The following GPR158 variants were observed in gnomAD, a reference collection of about 807,000 sequenced individuals.
The protein encoded by GPR158 is metabotropic glycine receptor.
GPR158 carries 30 observed loss-of-function variants against 78.2 expected under a neutral mutation model. That is an observed-to-expected ratio of 0.38 (90% CI 0.29 to 0.52). GPR158 has a LOEUF of 0.52. GPR158 is among the 20% of genes least tolerant of loss of function. GPR158 has a pLI of 0.83. For synonymous variants in GPR158, 581 were observed against 591.1 expected, an observed-to-expected ratio of 0.98 and a Z score of 0.25; for missense variants, 1,463 against 1,523.5, an observed-to-expected ratio of 0.96 and a Z score of 0.66.
intron 5 of GPR158, among the ~76,000 whole-genome samples, chr10:25,525,242 G>A (rs1169744952): frequency 6.6e-6 from 1 of 152,166 alleles, no homozygotes; most frequent in East Asian, 1.9e-4. Flanking sequence ...ATGTTAAGCA[G>A]AGTTACCATA....
intron 1 of GPR158, among the ~76,000 whole-genome samples, chr10:25,189,833 C>CCTGT (rs1564386832): frequency 9.5e-6 from 1 of 105,720 alleles, no homozygotes; most frequent in African/African-American, 4.7e-5. Flanking sequence ...GAAAGGAAAG[C>CCTGT]ATGTGTGTGT....
At chr10:25,353,918 T>C (rs995272187) in intron 2 of GPR158, among the ~76,000 whole-genome samples, 2 of 152,136 alleles carry the variant, frequency 1.3e-5, no homozygotes, top group African/African-American at 2.4e-5. Context: ...CTCTTCCTTT[T>C]TATTGTCTTC....
intron 2 of GPR158, among the ~76,000 whole-genome samples, chr10:25,290,279 A>G (rs1201266744): frequency 6.6e-6 from 1 of 152,230 alleles, no homozygotes; most frequent in Admixed American, 6.5e-5. Context: ...TTCACATGAT[A>G]TAAATTCCTG....
At chr10:25,460,970 G>C (rs2130611883) in intron 4 of GPR158, among the ~76,000 whole-genome samples, 1 of 152,184 alleles carries the variant, frequency 6.6e-6, no homozygotes. Context: ...AATTGTTTTG[G>C]AATGCCATGA....
At chr10:25,403,862 TGA>T (rs955340801) in intron 3 of GPR158, among the ~76,000 whole-genome samples, 15 of 152,158 alleles carry the variant, frequency 9.9e-5, no homozygotes, top group African/African-American at 3.4e-4. Context: ...TTTATTCTTT[TGA>T]GAGAGCACTT....
chr10:25,471,756 T>C (rs952973497), intron 5 of GPR158, among the ~76,000 whole-genome samples: 1 of 152,226 alleles, frequency 6.6e-6, no homozygotes, highest in Admixed American at 6.5e-5. Flanking sequence ...TGCATAAATA[T>C]CTTCTTTTGA....
chr10:25,526,757 C>T (rs747159259), intron 5 of GPR158, among the ~76,000 whole-genome samples: 1 of 152,174 alleles, frequency 6.6e-6, no homozygotes, highest in Non-Finnish European at 1.5e-5. Flanking sequence ...ATAGGCAGAG[C>T]TGGTCCACAG....
chr10:25,500,089 TCTTTTCACTTACATATGAA>T (rs1346002764), intron 5 of GPR158, among the ~76,000 whole-genome samples: 1 of 152,230 alleles, frequency 6.6e-6, no homozygotes, highest in Non-Finnish European at 1.5e-5. Flanking sequence ...TTGTGAATTT[TCTTTTCACTTACATATGAA>T]CTTTTCACTT....
chr10:25,456,885 CTAA>C (rs778034940), intron 4 of GPR158, among the ~76,000 whole-genome samples: 1 of 152,056 alleles, frequency 6.6e-6, no homozygotes, highest in East Asian at 1.9e-4. Context: ...TTTTAAATAT[CTAA>C]TAATCTTTAG....
At chr10:25,309,831 G>C (rs1056713098) in intron 2 of GPR158, among the ~76,000 whole-genome samples, 1 of 152,062 alleles carries the variant, frequency 6.6e-6, no homozygotes, top group African/African-American at 2.4e-5. Flanking sequence ...CTTCTCCTTT[G>C]CCTTCTGCCA....
chr10:25,205,884 G>A (rs1424568058), intron 1 of GPR158, among the ~76,000 whole-genome samples: 1 of 151,752 alleles, frequency 6.6e-6, no homozygotes, highest in Non-Finnish European at 1.5e-5. Context: ...TGTGCCTTGT[G>A]CATATGAGAA....
intron 5 of GPR158, among the ~76,000 whole-genome samples, chr10:25,477,995 T>G (rs1046475678): frequency 6.6e-6 from 1 of 152,186 alleles, no homozygotes; most frequent in Non-Finnish European, 1.5e-5. Flanking sequence ...TTTATCCACT[T>G]GGCTTGTCTC....
At chr10:25,304,156 T>C (rs1854635597) in intron 2 of GPR158, among the ~76,000 whole-genome samples, 1 of 151,820 alleles carries the variant, frequency 6.6e-6, no homozygotes, top group African/African-American at 2.4e-5. Context: ...TGTTTTTTTT[T>C]CGCCCAAAAG....
At chr10:25,441,215 T>G (rs1323222089) in intron 4 of GPR158, among the ~76,000 whole-genome samples, 1 of 152,188 alleles carries the variant, frequency 6.6e-6, no homozygotes, top group Non-Finnish European at 1.5e-5. Context: ...TCTTATTAAC[T>G]CAGAATCACA....
At chr10:25,275,946 A>G (rs1854177931) in intron 2 of GPR158, among the ~76,000 whole-genome samples, 1 of 152,136 alleles carries the variant, frequency 6.6e-6, no homozygotes. Context: ...GCACTTATTT[A>G]TGTGAGGAGA....
chr10:25,396,494 C>T (rs1564444140), intron 3 of GPR158, among the ~76,000 whole-genome samples: 1 of 152,102 alleles, frequency 6.6e-6, no homozygotes, highest in Non-Finnish European at 1.5e-5. Context: ...CTCAAGGTTT[C>T]ACCACTCTAA....
At chr10:25,355,695 CT>C in intron 2 of GPR158, among the ~76,000 whole-genome samples, 1 of 152,138 alleles carries the variant, frequency 6.6e-6, no homozygotes, top group Admixed American at 6.5e-5. Context: ...TCTTGATTTT[CT>C]TTTGTATTTT....
intron 2 of GPR158, among the ~76,000 whole-genome samples, chr10:25,288,954 G>A (rs1056473887): frequency 3.3e-5 from 5 of 152,028 alleles, no homozygotes; most frequent in African/African-American, 9.7e-5. Flanking sequence ...ACTTTCCATC[G>A]GCTTCCTTTC....
At chr10:25,430,633 A>C (rs4570485) in intron 4 of GPR158, among the ~76,000 whole-genome samples, 120,814 of 148,510 alleles carry the variant, frequency 0.81, 50,236 homozygotes, top group Non-Finnish European at 0.87. Context: ...TACAGTAACC[A>C]AAACAGCATG....
Sources: allele counts gnomAD v4.1 joint callset (sites outside exome capture counted in the v4.1 genomes callset), GRCh38; gene constraint gnomAD v4.1.1; transcripts MANE v1.5; gene names NCBI Gene and HGNC (gene_info 2026-07-23, HGNC 2026-07-21).